Variants in TMEM108 observed in about 807,000 individuals in gnomAD.
TMEM108 encodes the protein transmembrane protein 108, also known as cancer/testis antigen 124.
In TMEM108, 12 loss-of-function variants were observed where a neutral mutation model predicts 35.1. That is an observed-to-expected ratio of 0.34 (90% confidence interval 0.22 to 0.55). The LOEUF (loss-of-function observed/expected upper bound fraction) is 0.55. TMEM108 is among the 20% of genes least tolerant of loss of function. TMEM108 has a pLI of 0.89. For missense variants in TMEM108, 680 were observed against 753.3 expected (o/e 0.90, Z 1.14); for synonymous variants, 287 against 308.6 (o/e 0.93, Z 0.73).
At chr3:133,172,277 C>T (rs1945141343) in intron 2 of TMEM108, among the ~76,000 whole-genome samples, 1 of 152,068 alleles carries the variant, frequency 6.6e-6, no homozygotes, top group Non-Finnish European at 1.5e-5. Flanking sequence ...TAAACATTAC[C>T]TTTTCCTGCT....
intron 2 of TMEM108, among the ~76,000 whole-genome samples, chr3:133,095,362 C>T (rs1943999663): frequency 6.6e-6 from 1 of 152,126 alleles, no homozygotes. Flanking sequence ...CTCCATAGTA[C>T]AGCAAGCCCC....
chr3:133,160,257 G>A (rs1349542009), intron 2 of TMEM108, among the ~76,000 whole-genome samples: 2 of 152,194 alleles, frequency 1.3e-5, no homozygotes, highest in Non-Finnish European at 2.9e-5. Context: ...AGGAACTGAC[G>A]CTGCTCAGTG....
chr3:133,079,853 A>T (rs1277703200), intron 2 of TMEM108, among the ~76,000 whole-genome samples: 1 of 152,132 alleles, frequency 6.6e-6, no homozygotes, highest in Non-Finnish European at 1.5e-5. Flanking sequence ...GCTGAGGCAG[A>T]GGTGCTAGGT....
At position 133,040,507 on chromosome 3, in the gene TMEM108, A is replaced by T. The variant is rs565902649; in HGVS notation, c.-166+2072A>T. 4.8e-3 allele frequency among the ~76,000 whole-genome samples: 710 copies of T among 148,980 alleles called. 7 individuals carry two copies. Among genetic ancestry groups the T allele is most frequent in the Middle Eastern group, 0.031 (9 of 292 alleles). ...CATGAGCCACCATGCCGGCCAGAAA[A>T]TTTTTTTTTTTAAGTGGCATGGAGT... is the stretch of plus-strand genomic sequence containing the variant. On this transcript the variant is annotated intron_variant, in intron 1 of 5. Coordinates refer to ENST00000321871, the MANE Select transcript of TMEM108 (RefSeq NM_023943.4).
chr3:133,375,034 T>C (rs2072793745), intron 3 of TMEM108, among the ~76,000 whole-genome samples: 1 of 152,232 alleles, frequency 6.6e-6, no homozygotes, highest in African/African-American at 2.4e-5. Context: ...TGTGCTTCTT[T>C]TCCTCAATTG....
At chr3:133,193,003 T>C (rs756395783) in intron 2 of TMEM108, among the ~76,000 whole-genome samples, 2 of 152,086 alleles carry the variant, frequency 1.3e-5, no homozygotes, top group African/African-American at 4.8e-5. Flanking sequence ...ATGAGAAATC[T>C]TTTTCAGGAA....
intron 3 of TMEM108, among the ~76,000 whole-genome samples, chr3:133,308,290 A>G (rs898435606): frequency 3.3e-5 from 5 of 152,158 alleles, no homozygotes; most frequent in African/African-American, 4.8e-5. Context: ...TAAATAGACA[A>G]TCATGTCATC....
intron 3 of TMEM108, among the ~76,000 whole-genome samples, chr3:133,371,613 C>CAAAAAAAAAAAAAAAAAAAAAAA (rs3054624): frequency 1.2e-4 from 9 of 78,098 alleles, no homozygotes; most frequent in African/African-American, 4.7e-4. Context: ...CACAAACCCA[C>CAAAAAAAAAAAAAAAAAAAAAAA]AAAAAAAAAA....
intron 2 of TMEM108, among the ~76,000 whole-genome samples, chr3:133,185,757 T>C (rs1004401892): frequency 1.4e-5 from 2 of 142,348 alleles, no homozygotes; most frequent in African/African-American, 5.3e-5. Flanking sequence ...TTGGGGACCT[T>C]GCGTTTCTTT....
intron 2 of TMEM108, among the ~76,000 whole-genome samples, chr3:133,172,737 A>C (rs761837147): frequency 9.9e-5 from 15 of 152,176 alleles, no homozygotes; most frequent in Non-Finnish European, 8.8e-5. Flanking sequence ...ATTTTTATCT[A>C]TTACCAATTG....
At chr3:133,308,880 C>T (rs1274918587) in intron 3 of TMEM108, among the ~76,000 whole-genome samples, 2 of 152,082 alleles carry the variant, frequency 1.3e-5, no homozygotes. Flanking sequence ...CCTCATAAAA[C>T]TAGTTAGGGA....
intron 2 of TMEM108, among the ~76,000 whole-genome samples, chr3:133,227,550 A>T (rs946432403): frequency 2.7e-5 from 4 of 149,974 alleles, no homozygotes; most frequent in Admixed American, 1.3e-4. Context: ...AATTCTTATT[A>T]AAAAAAACAC....
intron 3 of TMEM108, among the ~76,000 whole-genome samples, chr3:133,275,348 T>G (rs1413093587): frequency 6.6e-6 from 1 of 152,238 alleles, no homozygotes; most frequent in African/African-American, 2.4e-5. Flanking sequence ...TAATAATATA[T>G]TTTATTTAAC....
intron 2 of TMEM108, among the ~76,000 whole-genome samples, chr3:133,142,309 A>G (rs1944652270): frequency 6.6e-6 from 1 of 152,204 alleles, no homozygotes; most frequent in African/African-American, 2.4e-5. Context: ...ACATAAAAAG[A>G]GTTAAAAGCA....
chr3:133,040,364 C>T (rs766163980), intron 1 of TMEM108, among the ~76,000 whole-genome samples: 4 of 151,758 alleles, frequency 2.6e-5, no homozygotes, highest in Non-Finnish European at 5.9e-5. Flanking sequence ...GCACCATGCC[C>T]GGCTAATTTT....
At chr3:133,352,750 C>G in intron 3 of TMEM108, among the ~76,000 whole-genome samples, 1 of 152,148 alleles carries the variant, frequency 6.6e-6, no homozygotes. Context: ...TCTGGGCATC[C>G]CACCCTCCTA....
At chr3:133,221,213 A>G (rs1559872739) in intron 2 of TMEM108, among the ~76,000 whole-genome samples, 2 of 152,302 alleles carry the variant, frequency 1.3e-5, no homozygotes, top group South Asian at 4.2e-4. Context: ...GATGGGGCTG[A>G]AAGCTGCAAG....
chr3:133,155,693 CA>C (rs1163515988), intron 2 of TMEM108, among the ~76,000 whole-genome samples: 2 of 151,994 alleles, frequency 1.3e-5, no homozygotes, highest in Non-Finnish European at 2.9e-5. Flanking sequence ...GCCTGCTTTT[CA>C]ATGGGTTTGT....
At chr3:133,375,759 C>T (rs1448648884) in intron 3 of TMEM108, among the ~76,000 whole-genome samples, 1 of 152,186 alleles carries the variant, frequency 6.6e-6, no homozygotes. Context: ...TTTTATTATA[C>T]AAATGAAAAG....
Sources: allele counts gnomAD v4.1 joint callset (sites outside exome capture counted in the v4.1 genomes callset), GRCh38; gene constraint gnomAD v4.1.1; transcripts MANE v1.5; gene names NCBI Gene and HGNC (gene_info 2026-07-23, HGNC 2026-07-21).